Variants in MCAT observed in about 807,000 individuals in gnomAD.
The protein encoded by MCAT is malonyl-CoA-acyl carrier protein transacylase.
In MCAT, 22 loss-of-function variants were observed where a neutral mutation model predicts 22.9. The observed-to-expected ratio is 0.96, with a 90% confidence interval of 0.69 to 1.37. The LOEUF (loss-of-function observed/expected upper bound fraction) is 1.37, where lower values mean the gene tolerates loss of function less well. Among genes scored for constraint, MCAT ranks in the 40% most tolerant of loss-of-function variants. MCAT has a pLI of 0.00. For missense variants in MCAT, 534 were observed against 533.6 expected, an observed-to-expected ratio of 1.00 and a Z score of -0.01; for synonymous variants, 240 against 233.9, an observed-to-expected ratio of 1.03 and a Z score of -0.24.
Position 43,132,777 on chromosome 22 carries a change from G to A in MCAT, c.*266C>T. ...ATGGTGCAGGGCTGGCAGAGGCGGGGCCAGGATTCTAGCTTCCCCACACAC... is the reference window on the plus strand; with the variant it reads ...ATGGTGCAGGGCTGGCAGAGGCGGGACCAGGATTCTAGCTTCCCCACACAC... On this transcript the variant is annotated 3_prime_UTR_variant, in exon 4 of 4. Coordinates refer to ENST00000290429, the MANE Select transcript of MCAT (RefSeq NM_173467.5). 1 of 484,264 alleles carries A rather than the reference G, an allele frequency of 2.1e-6. No homozygotes were observed. Among genetic ancestry groups the A allele is most frequent in the Admixed American group, 3.4e-5 (1 of 29,388 alleles). 30.0% of individuals were successfully genotyped at this position (484,264 alleles called of 1,614,324 possible). A position where few individuals can be genotyped will look rare whatever the true frequency, so the allele number is the denominator to read the frequency against.
intron 2 of MCAT, among the ~76,000 whole-genome samples, chr22:43,140,549 C>T (rs902195493): frequency 2.0e-5 from 3 of 152,120 alleles, no homozygotes; most frequent in Non-Finnish European, 4.4e-5. Context: ...GGGTTTTCAC[C>T]ATGTTGCCCA....
chr22:43,143,212 T>C lies in MCAT; in HGVS notation c.137A>G (p.Glu46Gly). 1 of 1,526,112 alleles carries C rather than the reference T, an allele frequency of 6.6e-7. No individual in the cohort carries two copies. 94.5% of individuals were successfully genotyped at this position (1,526,112 alleles called of 1,614,324 possible). Reference sequence around the variant, plus strand: ...CGTCGCCGCCCAGGGCGCCTCCTCCTCCGCCCCGGTCGCATCTCGCAGCAG... The same window carrying C: ...CGTCGCCGCCCAGGGCGCCTCCTCCCCCGCCCCGGTCGCATCTCGCAGCAG... ...AELLRDATGA[E>G]EEAPWAATER... The change falls in exon 1 of 4, where the codon GAG becomes GGG. Residue 46 changes from glutamate to glycine, a missense_variant. Glu to Gly is a moderately conservative substitution (Grantham distance 98, BLOSUM62 -2). Coordinates refer to ENST00000290429, the MANE Select transcript of MCAT (RefSeq NM_173467.5).
At chr22:43,140,154 T>A (rs1482607535) in intron 2 of MCAT, among the ~76,000 whole-genome samples, 1 of 152,152 alleles carries the variant, frequency 6.6e-6, no homozygotes, top group African/African-American at 2.4e-5. Context: ...CCAGTCCCAA[T>A]AACCTCTCGT....
chr22:43,142,796 C>CAAA, intron 1 of MCAT, 130 bp downstream of exon 1: 13 of 900,900 alleles, frequency 1.4e-5, no homozygotes, highest in African/African-American at 3.7e-5. Flanking sequence ...CAAAAACAAA[C>CAAA]AAAAAAAAAA....
At position 43,143,360 on chromosome 22, in the gene MCAT, T is replaced by A. The variant is rs1196982911; in HGVS notation, c.-12A>T. ...ACCCGGACGCTCATGGTCGGACACC[T>A]GCCCGCGCGCGTTACCGTGGCGACC... is the stretch of plus-strand genomic sequence containing the variant. On this transcript the variant is annotated 5_prime_UTR_variant, in exon 1 of 4. Coordinates refer to ENST00000290429, the MANE Select transcript of MCAT (RefSeq NM_173467.5). The A allele has an allele frequency of 2.2e-6, 3 of 1,355,648 alleles. No individual in the cohort carries two copies. The highest frequency in any genetic ancestry group is 2.8e-6 in the Non-Finnish European group (3 of 1,059,732). The allele number at this position is 1,355,648 out of a possible 1,614,324, so 84.0% of individuals were successfully genotyped here.
At chr22:43,142,026 T>C (rs910246467) in intron 1 of MCAT, among the ~76,000 whole-genome samples, 3 of 152,204 alleles carry the variant, frequency 2.0e-5, no homozygotes, top group Non-Finnish European at 4.4e-5. Flanking sequence ...ATGATGACGA[T>C]TCAACAGGAC....
chr22:43,140,940 A>G (rs963312564), intron 2 of MCAT: 13 of 567,796 alleles, frequency 2.3e-5, no homozygotes, highest in Admixed American at 9.0e-5. Context: ...CAGTTCAGCA[A>G]GCAGATTTCA....
At chr22:43,141,806 G>C (rs572515104) in intron 1 of MCAT, among the ~76,000 whole-genome samples, 2 of 152,134 alleles carry the variant, frequency 1.3e-5, no homozygotes, top group East Asian at 1.9e-4. Flanking sequence ...TCCTGACCTC[G>C]TGATGCACCC....
At chr22:43,138,793 C>A (rs1365087834) in intron 2 of MCAT, among the ~76,000 whole-genome samples, 1 of 152,172 alleles carries the variant, frequency 6.6e-6, no homozygotes, top group Non-Finnish European at 1.5e-5. Flanking sequence ...ACCCCTGACA[C>A]CCTGGTCCTG....
Position 43,137,104 on chromosome 22 carries a change from T to A in MCAT, c.706A>T (p.Arg236Trp), listed in dbSNP as rs762990823. ...ACCTCTTGGTGTCCTGAAATCACCC[T>A]GCAATCTGGAAAGAGGTAGTTGGAC... ...EVSNYLFPDC[R>W]VISGHQEALR... is the part of the protein sequence containing the mutation. Residue 236 changes from arginine (R) to tryptophan (W), a missense_variant, in exon 3 of 4, where the codon AGG (arginine) becomes TGG (tryptophan). Arg to Trp is a moderately radical substitution (Grantham distance 101, BLOSUM62 -3). Transcript: ENST00000290429. The A allele has an allele frequency of 1.2e-6, 2 of 1,614,186 alleles. No individual in the cohort carries two copies. Among genetic ancestry groups the A allele is most frequent in the East Asian group, 4.5e-5 (2 of 44,888 alleles).
At chr22:43,141,630 G>C (rs1930771582) in intron 1 of MCAT, among the ~76,000 whole-genome samples, 1 of 152,028 alleles carries the variant, frequency 6.6e-6, no homozygotes, top group African/African-American at 2.4e-5. Context: ...GGAGTGCAAT[G>C]GCGTGATCTC....
At chr22:43,138,821 A>C (rs1051473484) in intron 2 of MCAT, among the ~76,000 whole-genome samples, 1 of 152,196 alleles carries the variant, frequency 6.6e-6, no homozygotes, top group Non-Finnish European at 1.5e-5. Flanking sequence ...GGCAGAGAGA[A>C]GAGATGACCA....
At chr22:43,140,160 C>G (rs1405177712) in intron 2 of MCAT, among the ~76,000 whole-genome samples, 1 of 152,152 alleles carries the variant, frequency 6.6e-6, no homozygotes, top group African/African-American at 2.4e-5. Flanking sequence ...CCAATAACCT[C>G]TCGTGTTTCT....
chr22:43,139,477 G>C (rs140834133), intron 2 of MCAT, among the ~76,000 whole-genome samples: 2 of 152,086 alleles, frequency 1.3e-5, no homozygotes, highest in Admixed American at 1.3e-4. Context: ...AGTGAGCTAC[G>C]ACTGCACCAC....
intron 3 of MCAT, among the ~76,000 whole-genome samples, chr22:43,135,412 G>A (rs1043623577): frequency 6.7e-6 from 1 of 149,968 alleles, no homozygotes; most frequent in African/African-American, 2.5e-5. Context: ...GCTAAGGCAG[G>A]AGAATCACTT....
Position 43,137,239 on chromosome 22 carries a change from T to G in MCAT, c.571A>C (p.Ser191Arg). The change falls in exon 3 of 4, where the codon AGT (serine) becomes CGT (arginine). Residue 191 changes from serine to arginine, a missense_variant. Ser to Arg is a moderately radical substitution (Grantham distance 110). Coordinates refer to ENST00000290429, the MANE Select transcript of MCAT (RefSeq NM_173467.5). ...TGGCCGAGGACAGACAGCATCCCAC[T>G]GGGGACAGCTTCTGAAGCTTCCTGC... ...AMQEASEAVPSGMLSVLGQPQ... is the reference protein window; with the variant it reads ...AMQEASEAVPRGMLSVLGQPQ... The G allele has an allele frequency of 6.2e-7, 1 of 1,614,188 alleles. No individual in the cohort carries two copies. The highest frequency in any genetic ancestry group is 1.1e-5 in the South Asian group (1 of 91,092).
chr22:43,136,853 CT>C (rs1368143342), intron 3 of MCAT, among the ~76,000 whole-genome samples: 1 of 152,204 alleles, frequency 6.6e-6, no homozygotes, highest in Non-Finnish European at 1.5e-5. Flanking sequence ...TAGACATGGG[CT>C]GGCTGGTTGG....
At chr22:43,134,187 T>C (rs17003519) in intron 3 of MCAT, among the ~76,000 whole-genome samples, 1,739 of 152,298 alleles carry the variant, frequency 0.011, 20 homozygotes, top group African/African-American at 0.04. Flanking sequence ...ATGCAGGGTC[T>C]AGGATATTGT....
In MCAT at chr22:43,133,010, CAG is replaced by C. The variant is rs1569470336; in HGVS notation, c.*31_*32del. The stretch of plus-strand genomic sequence containing the variant: ...AGCCTACAGCCTCTCCTCAGGAGGA[CAG>C]AGGGGGTCATCGCATTTGAGCCCCC... On this transcript the variant is annotated 3_prime_UTR_variant, in exon 4 of 4. Transcript: ENST00000290429. 4 of 1,594,752 alleles carry C rather than the reference CAG, an allele frequency of 2.5e-6. No homozygotes were observed. The highest frequency in any genetic ancestry group is 1.7e-5 in the Admixed American group (1 of 58,884).
Sources: gnomAD v4.1 joint callset for allele counts (sites outside exome capture counted in the v4.1 genomes callset) on GRCh38, gnomAD v4.1.1 for gene constraint, MANE v1.5 for transcripts, NCBI Gene and HGNC (gene_info 2026-07-23, HGNC 2026-07-21) for gene names.